The following NCKAP5 variants were observed in gnomAD, a reference collection of about 807,000 sequenced individuals.
NCKAP5 encodes the protein NCK associated protein 5, also known as nck-associated protein 5.
A neutral mutation model predicts 167.0 loss-of-function variants in NCKAP5; 92 were observed. The ratio of observed to expected loss-of-function variants is 0.55; its 90% CI spans 0.47 to 0.66. The LOEUF (loss-of-function observed/expected upper bound fraction) is 0.66, where lower values mean the gene tolerates loss of function less well. Among genes scored for constraint, NCKAP5 ranks in the 30% least tolerant of loss-of-function variants. The pLI is 0.00. For synonymous variants in NCKAP5, 891 were observed against 877.4 expected, an observed-to-expected ratio of 1.02 and a Z score of -0.27; for missense variants, 2,378 against 2,315.0, an observed-to-expected ratio of 1.03 and a Z score of -0.56.
intron 3 of NCKAP5, among the ~76,000 whole-genome samples, chr2:133,446,706 A>C (rs1691216513): frequency 6.6e-6 from 1 of 152,190 alleles, no homozygotes; most frequent in Non-Finnish European, 1.5e-5. Context: ...GAGAAAGCCA[A>C]ACTCAAGATG....
At chr2:132,869,822 G>A (rs923861806) in intron 9 of NCKAP5, among the ~76,000 whole-genome samples, 1 of 152,170 alleles carries the variant, frequency 6.6e-6, no homozygotes, top group Non-Finnish European at 1.5e-5. Flanking sequence ...AGGATATTTG[G>A]ACAGAGAAAA....
At chr2:133,211,761 T>C (rs1478930548) in intron 5 of NCKAP5, among the ~76,000 whole-genome samples, 2 of 152,232 alleles carry the variant, frequency 1.3e-5, no homozygotes, top group African/African-American at 4.8e-5. Flanking sequence ...TTCATTACCA[T>C]AATTAAAATT....
intron 4 of NCKAP5, among the ~76,000 whole-genome samples, chr2:133,287,225 A>G (rs1679209942): frequency 6.6e-6 from 1 of 152,172 alleles, no homozygotes; most frequent in Non-Finnish European, 1.5e-5. Context: ...TTATTAATTC[A>G]GTATTGTGAA....
chr2:133,655,099 G>C, the NCKAP5 span, among the ~76,000 whole-genome samples: 85 of 152,170 alleles, frequency 5.6e-4, no homozygotes, highest in African/African-American at 2.1e-3. Flanking sequence ...TCCATAGCTA[G>C]TGACATCATG....
chr2:132,955,822 G>C (rs112590161), intron 8 of NCKAP5, among the ~76,000 whole-genome samples: 2 of 152,280 alleles, frequency 1.3e-5, no homozygotes, highest in African/African-American at 4.8e-5. Context: ...AGCATCTGTT[G>C]TTTCCTGACT....
At chr2:133,232,026 T>C (rs1418554957) in intron 4 of NCKAP5, among the ~76,000 whole-genome samples, 11 of 152,226 alleles carry the variant, frequency 7.2e-5, no homozygotes, top group Admixed American at 5.9e-4. Flanking sequence ...AACTCAGATA[T>C]GTAGTGTATG....
intron 15 of NCKAP5, among the ~76,000 whole-genome samples, chr2:132,779,273 A>G (rs994455675): frequency 6.6e-6 from 1 of 152,250 alleles, no homozygotes; most frequent in African/African-American, 2.4e-5. Flanking sequence ...TGTGAAAGCC[A>G]AACATAAAGT....
At chr2:133,471,262 C>T (rs62177703) in intron 3 of NCKAP5, among the ~76,000 whole-genome samples, 11,067 of 152,190 alleles carry the variant, frequency 0.073, 518 homozygotes, top group Middle Eastern at 0.16. Context: ...GGCCTCAGCA[C>T]GAACAGCCAC....
chr2:133,252,923 G>T (rs1473881694), intron 4 of NCKAP5, among the ~76,000 whole-genome samples: 4 of 152,200 alleles, frequency 2.6e-5, no homozygotes, highest in Non-Finnish European at 5.9e-5. Flanking sequence ...TTGTCCTTCA[G>T]CAGGCAGCCA....
intron 10 of NCKAP5, among the ~76,000 whole-genome samples, chr2:132,863,448 TAAA>T (rs58404202): frequency 4.6e-4 from 59 of 127,746 alleles, no homozygotes; most frequent in East Asian, 1.3e-3. Context: ...TTCAGATGGG[TAAA>T]AAAAAAAAAA....
At chr2:132,748,359 C>T (rs909847102) in intron 16 of NCKAP5, among the ~76,000 whole-genome samples, 2 of 152,198 alleles carry the variant, frequency 1.3e-5, no homozygotes, top group South Asian at 2.1e-4. Context: ...ATTTCTGAAC[C>T]AATCACTGGC....
chr2:133,559,954 C>T (rs72849423), intron 1 of NCKAP5, among the ~76,000 whole-genome samples: 18,797 of 152,194 alleles, frequency 0.12, 1,416 homozygotes, highest in Middle Eastern at 0.24. Flanking sequence ...CTCTTGTCTT[C>T]ATCAATAAGA....
At chr2:133,071,986 G>A (rs944428274) in intron 6 of NCKAP5, among the ~76,000 whole-genome samples, 26 of 152,112 alleles carry the variant, frequency 1.7e-4, no homozygotes, top group Non-Finnish European at 3.5e-4. Context: ...TTATGAATTA[G>A]CTGTTGTTTT....
intron 3 of NCKAP5, among the ~76,000 whole-genome samples, chr2:133,398,978 G>A (rs1687926122): frequency 6.6e-6 from 1 of 152,288 alleles, no homozygotes; most frequent in African/African-American, 2.4e-5. Flanking sequence ...ACAGATAATG[G>A]TGGAAAGCAA....
At chr2:133,560,620 G>A (rs1181071252) in intron 1 of NCKAP5, among the ~76,000 whole-genome samples, 1 of 152,116 alleles carries the variant, frequency 6.6e-6, no homozygotes, top group Non-Finnish European at 1.5e-5. Context: ...CAAGCCAGCA[G>A]GTAGGAAGAG....
chr2:133,368,638 C>A (rs184294603), intron 3 of NCKAP5, among the ~76,000 whole-genome samples: 1 of 152,330 alleles, frequency 6.6e-6, no homozygotes, highest in Admixed American at 6.5e-5. Flanking sequence ...CTCTCCATTT[C>A]TCCAGGCTGC....
At chr2:133,048,990 T>C (rs1265848264) in intron 6 of NCKAP5, among the ~76,000 whole-genome samples, 1 of 152,154 alleles carries the variant, frequency 6.6e-6, no homozygotes, top group Admixed American at 6.5e-5. Context: ...AATTCTCCCA[T>C]AAACACACTA....
At chr2:132,774,714 A>G (rs1276538735) in intron 15 of NCKAP5, among the ~76,000 whole-genome samples, 1 of 152,228 alleles carries the variant, frequency 6.6e-6, no homozygotes, top group African/African-American at 2.4e-5. Context: ...GAGAAGTAAT[A>G]GCATCATCAG....
intron 3 of NCKAP5, among the ~76,000 whole-genome samples, chr2:133,313,438 G>A (rs1681387447): frequency 6.6e-6 from 1 of 152,068 alleles, no homozygotes; most frequent in Admixed American, 6.5e-5. Flanking sequence ...AGTTATATTT[G>A]ACAAAGATGC....
Sources: allele counts gnomAD v4.1 joint callset (sites outside exome capture counted in the v4.1 genomes callset), GRCh38; gene constraint gnomAD v4.1.1; transcripts MANE v1.5; gene names NCBI Gene and HGNC (gene_info 2026-07-23, HGNC 2026-07-21).